Variants in ACSM2B observed in about 807,000 individuals in gnomAD.
The protein encoded by ACSM2B is acyl-coenzyme A synthetase ACSM2B, mitochondrial.
A neutral mutation model predicts 78.6 loss-of-function variants in ACSM2B; 58 were observed. The observed-to-expected ratio is 0.74, with a 90% confidence interval of 0.60 to 0.92. The LOEUF is 0.92. ACSM2B is among the 40% of genes least tolerant of loss of function. The pLI, the probability that ACSM2B is intolerant of heterozygous loss-of-function variation, is 0.00. For missense variants in ACSM2B, 688 were observed against 711.2 expected (o/e 0.97, Z 0.37); for synonymous variants, 257 against 256.8 (o/e 1.00, Z -0.01).
At chr16:20,572,733 A>C (rs2016124825) in intron 1 of ACSM2B, among the ~76,000 whole-genome samples, 3 of 151,800 alleles carry the variant, frequency 2.0e-5, no homozygotes, top group African/African-American at 7.3e-5. Flanking sequence ...TTGATCATTT[A>C]ACACAATCCC....
intron 7 of ACSM2B, 79 bp from the exon 8 acceptor site, chr16:20,548,264 G>T (rs2015202902): frequency 1.2e-6 from 2 of 1,609,510 alleles, no homozygotes; most frequent in South Asian, 2.2e-5. Context: ...GTTTCTGGGT[G>T]CTTTGATGAT....
In ACSM2B at chr16:20,576,359, C is replaced by T. The variant is rs1165952675; in HGVS notation, c.-161G>A. The T allele has an allele frequency of 1.3e-5, 2 of 149,624 alleles. No individual in the cohort carries two copies. Among genetic ancestry groups the T allele is most frequent in the African/African-American group, 5.0e-5 (2 of 39,874 alleles). The allele number at this position is 149,624 out of a possible 1,614,324, so 9.3% of individuals were successfully genotyped here. On this transcript the variant is annotated 5_prime_UTR_variant, in exon 1 of 14. Coordinates refer to ENST00000329697, the MANE Select transcript of ACSM2B (RefSeq NM_001105069.2). Reference sequence around the variant, plus strand: ...CTGCACTGTCGGAAAGAGAGCTCAGCTAATCATTGACAGTGGATAACTTTG... The same window carrying T: ...CTGCACTGTCGGAAAGAGAGCTCAGTTAATCATTGACAGTGGATAACTTTG...
intron 1 of ACSM2B, among the ~76,000 whole-genome samples, chr16:20,570,388 T>C (rs2152150080): frequency 6.6e-6 from 1 of 152,082 alleles, no homozygotes; most frequent in African/African-American, 2.4e-5. Context: ...TGTTAAACCA[T>C]TCCTGCATCC....
At chr16:20,548,494 G>A in intron 6 of ACSM2B, 21 bp from the exon 7 acceptor site, 2 of 1,613,460 alleles carry the variant, frequency 1.2e-6, no homozygotes, top group Non-Finnish European at 1.7e-6. Context: ...AGAGCCAGGT[G>A]AGACATTGGT....
chr16:20,543,170 A>G lies in ACSM2B; in HGVS notation c.1374T>C (p.Phe458=), dbSNP rs1179541314. Reference sequence around the variant, plus strand: ...TAATGATATCATCTGCCCGTCCCATAAACTGGAAATACCCATCTTCATCTT... The same window carrying G: ...TAATGATATCATCTGCCCGTCCCATGAACTGGAAATACCCATCTTCATCTT... ...GIKDEDGYFQ[F]MGRADDIINS... The change falls in exon 11 of 14, where the codon TTT becomes TTC. Residue 458 remains phenylalanine (F), a synonymous_variant. Transcript: ENST00000329697. The G allele has an allele frequency of 1.9e-6, 3 of 1,613,744 alleles. No individual in the cohort carries two copies. Among genetic ancestry groups the G allele is most frequent in the South Asian group, 1.1e-5 (1 of 91,076 alleles).
intron 6 of ACSM2B, among the ~76,000 whole-genome samples, chr16:20,550,327 T>C (rs1490136480): frequency 1.3e-5 from 2 of 152,176 alleles, no homozygotes; most frequent in African/African-American, 4.8e-5. Flanking sequence ...AGATATAAGC[T>C]ATGAAAATGA....
intron 1 of ACSM2B, among the ~76,000 whole-genome samples, chr16:20,565,370 A>G (rs2015794950): frequency 6.6e-6 from 1 of 152,144 alleles, no homozygotes. Flanking sequence ...TCCCCTCTGC[A>G]TGAGACTTGC....
intron 6 of ACSM2B, among the ~76,000 whole-genome samples, chr16:20,551,724 G>T (rs2015315439): frequency 6.6e-6 from 1 of 152,060 alleles, no homozygotes. Context: ...TTCAGTTTGT[G>T]TGTTATGCTG....
chr16:20,544,030 G>A (rs973257824), intron 10 of ACSM2B, among the ~76,000 whole-genome samples: 7 of 152,166 alleles, frequency 4.6e-5, no homozygotes, highest in Non-Finnish European at 8.8e-5. Flanking sequence ...CTTTCTCATG[G>A]GCATCATGGA....
intron 4 of ACSM2B, among the ~76,000 whole-genome samples, chr16:20,554,592 G>C (rs1401276060): frequency 7.2e-5 from 11 of 152,222 alleles, no homozygotes; most frequent in Non-Finnish European, 1.3e-4. Context: ...AATCCAGCCA[G>C]TCTTGCTATC....
At chr16:20,572,206 ATG>A (rs2016110478) in intron 1 of ACSM2B, among the ~76,000 whole-genome samples, 1 of 149,358 alleles carries the variant, frequency 6.7e-6, no homozygotes, top group Non-Finnish European at 1.5e-5. Flanking sequence ...TTCTATTTTG[ATG>A]TGTTTCCAGG....
rs2152129317 is a variant in ACSM2B, at chr16:20,536,526, T to C, written c.*732A>G. Reference sequence around the variant, plus strand: ...GTTTGGAGTGACTTGCGGATGATTCTAATGTCCCAGCCCCACACACAAGTC... The same window carrying C: ...GTTTGGAGTGACTTGCGGATGATTCCAATGTCCCAGCCCCACACACAAGTC... On this transcript the variant is annotated 3_prime_UTR_variant, in exon 14 of 14. Coordinates refer to ENST00000329697, the MANE Select transcript of ACSM2B (RefSeq NM_001105069.2). 6.6e-6 allele frequency: 1 copy of C among 152,288 alleles called. No individual in the cohort carries two copies. The highest frequency in any genetic ancestry group is 1.5e-5 in the Non-Finnish European group (1 of 68,030). 9.4% of individuals were successfully genotyped at this position (152,288 alleles called of 1,614,324 possible).
At position 20,536,998 on chromosome 16, in the gene ACSM2B, C is replaced by T. The variant is rs2014860155; in HGVS notation, c.*260G>A. 1 of 350,276 alleles carries T rather than the reference C, an allele frequency of 2.9e-6. No homozygotes were observed. The highest frequency in any genetic ancestry group is 4.6e-5 in the East Asian group (1 of 21,760). The allele number at this position is 350,276 out of a possible 1,614,324, so 21.7% of individuals were successfully genotyped here. ...TTTATTTCTTTTTCAATTGCTTTCTCTTGCAGTTTTTAACATTTCCCTGAC... is the reference window on the plus strand; with the variant it reads ...TTTATTTCTTTTTCAATTGCTTTCTTTTGCAGTTTTTAACATTTCCCTGAC... On this transcript the variant is annotated 3_prime_UTR_variant, in exon 14 of 14. Transcript: ENST00000329697.
Position 20,537,202 on chromosome 16 carries a change from A to G in ACSM2B, c.*56T>C, listed in dbSNP as rs2014864898. 1 of 1,600,096 alleles carries G rather than the reference A, an allele frequency of 6.2e-7. No homozygotes were observed. Among genetic ancestry groups the G allele is most frequent in the South Asian group, 1.1e-5 (1 of 90,494 alleles). On this transcript the variant is annotated 3_prime_UTR_variant, in exon 14 of 14. Transcript: ENST00000329697. ...ATCATCATAGTAAGGCCAAGGGCCC[A>G]AAGGGAAAAGAAAGAGAAAGAAGAG... is the stretch of plus-strand genomic sequence containing the variant.
chr16:20,551,700 CTG>C (rs1473672367), intron 6 of ACSM2B, among the ~76,000 whole-genome samples: 1 of 152,110 alleles, frequency 6.6e-6, no homozygotes, highest in African/African-American at 2.4e-5. Flanking sequence ...TGGTGGCACT[CTG>C]TGCACTTTAC....
At chr16:20,560,641 T>G (rs2015624679) in intron 2 of ACSM2B, among the ~76,000 whole-genome samples, 1 of 151,996 alleles carries the variant, frequency 6.6e-6, no homozygotes, top group Non-Finnish European at 1.5e-5. Flanking sequence ...AACAGTCCGA[T>G]ACAGAAAATT....
At chr16:20,565,309 T>A (rs897218892) in intron 1 of ACSM2B, among the ~76,000 whole-genome samples, 2 of 152,158 alleles carry the variant, frequency 1.3e-5, no homozygotes, top group East Asian at 1.9e-4. Flanking sequence ...CTTTGGTCAA[T>A]GAGATGTGAG....
chr16:20,568,823 G>T (rs2016010445), intron 1 of ACSM2B, among the ~76,000 whole-genome samples: 2 of 151,840 alleles, frequency 1.3e-5, no homozygotes, highest in African/African-American at 4.8e-5. Flanking sequence ...CATTAGTGAT[G>T]TTGAGCATTT....
At chr16:20,553,661 T>C in intron 5 of ACSM2B, 116 bp downstream of exon 5, 2 of 1,479,214 alleles carry the variant, frequency 1.4e-6, no homozygotes, top group Non-Finnish European at 1.8e-6. Context: ...TCCTTCTGAA[T>C]TTTCTTTCTC....
Sources: gnomAD v4.1 joint callset for allele counts (sites outside exome capture counted in the v4.1 genomes callset) on GRCh38, gnomAD v4.1.1 for gene constraint, MANE v1.5 for transcripts, NCBI Gene and HGNC (gene_info 2026-07-23, HGNC 2026-07-21) for gene names.